SLC35E1: variants seen among roughly 807,000 people sequenced by gnomAD.
SLC35E1 encodes solute carrier family 35, member E1.
In SLC35E1, 12 loss-of-function variants were observed where a neutral mutation model predicts 31.0. That is an observed-to-expected ratio of 0.39 (90% CI 0.25 to 0.63). SLC35E1 has a LOEUF of 0.63. Among genes scored for constraint, SLC35E1 ranks in the 20% least tolerant of loss-of-function variants. SLC35E1 has a pLI of 0.52. For synonymous variants in SLC35E1, 257 were observed against 264.1 expected, an observed-to-expected ratio of 0.97 and a Z score of 0.26; for missense variants, 429 against 572.2, an observed-to-expected ratio of 0.75 and a Z score of 2.55.
intron 1 of SLC35E1, 89 bp downstream of exon 1, chr19:16,571,855 C>G (rs1196389307): frequency 1.1e-5 from 15 of 1,347,724 alleles, no homozygotes; most frequent in South Asian, 1.4e-5. Flanking sequence ...TCCGGCGGGA[C>G]GCGCCCCGGG....
chr19:16,563,079 G>A (rs1280457237), intron 4 of SLC35E1, among the ~76,000 whole-genome samples: 1 of 152,142 alleles, frequency 6.6e-6, no homozygotes, highest in Admixed American at 6.5e-5. Context: ...CCAGCACTTT[G>A]GGAGGCCGAA....
At chr19:16,565,813 GCT>G (rs1491417887) in intron 4 of SLC35E1, 26 of 136,312 alleles carry the variant, frequency 1.9e-4, no homozygotes, top group African/African-American at 7.2e-4. Flanking sequence ...ACTGCGCCCG[GCT>G]TTTTTTTTTT....
At chr19:16,562,974 A>G (rs2085914555) in intron 4 of SLC35E1, among the ~76,000 whole-genome samples, 1 of 152,168 alleles carries the variant, frequency 6.6e-6, no homozygotes, top group Non-Finnish European at 1.5e-5. Context: ...TCTGCCTTCC[A>G]AAATACTGGG....
Position 16,553,900 on chromosome 19 carries a change from C to A in SLC35E1, c.1012G>T (p.Asp338Tyr). The A allele has an allele frequency of 6.2e-7, 1 of 1,604,452 alleles. No individual in the cohort carries two copies. The highest frequency in any genetic ancestry group is 1.1e-5 in the South Asian group (1 of 89,778). Residue 338 changes from aspartate (D) to tyrosine (Y), a missense_variant, in exon 6 of 6, where the codon GAT becomes TAT. By Grantham distance (160) the Asp-to-Tyr change is radical. Coordinates refer to ENST00000595753, the MANE Select transcript of SLC35E1 (RefSeq NM_024881.5). ...TGCTTCCTGGCTTGCTGGTTTGCATCGTACTTGGTCTGTGCCAGAAAGAGA... is the reference window on the plus strand; with the variant it reads ...TGCTTCCTGGCTTGCTGGTTTGCATAGTACTTGGTCTGTGCCAGAAAGAGA... ...GVFLYNKTKY[D>Y]ANQQARKHLL...
chr19:16,567,233 C>T (rs1467126233), intron 3 of SLC35E1, among the ~76,000 whole-genome samples: 1 of 152,132 alleles, frequency 6.6e-6, no homozygotes, highest in Non-Finnish European at 1.5e-5. Flanking sequence ...ATTGCCTAGG[C>T]TGGTCTCGAA....
At chr19:16,568,301 T>C (rs1371089678) in intron 2 of SLC35E1, 132 bp from the exon 3 acceptor site, 1 of 1,247,626 alleles carries the variant, frequency 8.0e-7, no homozygotes, top group Non-Finnish European at 1.1e-6. Flanking sequence ...AAGTGGTGTT[T>C]GCTGTGCCAG....
At chr19:16,556,949 C>A in intron 4 of SLC35E1, 1 of 471,458 alleles carries the variant, frequency 2.1e-6, no homozygotes, top group Non-Finnish European at 4.4e-6. Context: ...GCAGCTTCTG[C>A]GGGGAACCTC....
intron 2 of SLC35E1, among the ~76,000 whole-genome samples, chr19:16,568,689 C>A (rs1463538408): frequency 1.3e-5 from 2 of 152,192 alleles, no homozygotes; most frequent in Admixed American, 1.3e-4. Context: ...TGCCACCACG[C>A]CCGGCCAATT....
In SLC35E1 at chr19:16,553,483, A is replaced by T; in HGVS notation, c.*196T>A. 2.3e-6 allele frequency: 1 copy of T among 426,046 alleles called. No homozygotes were observed. Among genetic ancestry groups the T allele is most frequent in the East Asian group, 3.6e-5 (1 of 27,726 alleles). The allele number at this position is 426,046 out of a possible 1,614,324, so 26.4% of individuals were successfully genotyped here. Reference sequence around the variant, plus strand: ...CTGGTCTCTGTTTAGGTTTGCCCAGAGCTCACGGCCGTCTGCACTGCAGGC... The same window carrying T: ...CTGGTCTCTGTTTAGGTTTGCCCAGTGCTCACGGCCGTCTGCACTGCAGGC... On this transcript the variant is annotated 3_prime_UTR_variant, in exon 6 of 6. Transcript: ENST00000595753.
chr19:16,555,421 C>T lies in SLC35E1; in HGVS notation c.757-24G>A. The T allele has an allele frequency of 6.2e-7, 1 of 1,610,034 alleles. No homozygotes were observed. Among genetic ancestry groups the T allele is most frequent in the African/African-American group, 1.3e-5 (1 of 74,934 alleles). On this transcript the variant is annotated intron_variant, in intron 4 of 5. Transcript: ENST00000595753. The surrounding 1 kb of genome is among the most constrained non-coding windows in gnomAD (Gnocchi z 4.1). ...GTCTGCAGAGACCGGAAGGTAAAGA[C>T]AGCACTTCAGTGGGCAGCGGTGACC... is the stretch of plus-strand genomic sequence containing the variant.
chr19:16,565,009 C>A, intron 4 of SLC35E1: 1 of 420,558 alleles, frequency 2.4e-6, no homozygotes, highest in Non-Finnish European at 4.8e-6. Flanking sequence ...TCCAGCTAGA[C>A]CACATTAAGA....
At position 16,557,668 on chromosome 19, in the gene SLC35E1, C is replaced by G. The variant is rs537957572; in HGVS notation, c.757-2271G>C. ...TGGGAGACTGTCATGGAGCTGGAAT[C>G]ACATGGCTGGGAACCTTTGGAGACA... On this transcript the variant is annotated intron_variant, in intron 4 of 5. Transcript: ENST00000595753. 5.9e-5 allele frequency among the ~76,000 whole-genome samples: 9 copies of G among 152,340 alleles called. No individual in the cohort carries two copies. In the South Asian group the frequency reaches 1.9e-3, roughly 32 times the overall value.
chr19:16,559,522 G>A (rs1175699515), intron 4 of SLC35E1, among the ~76,000 whole-genome samples: 2 of 146,074 alleles, frequency 1.4e-5, no homozygotes, highest in Non-Finnish European at 3.0e-5. Context: ...ATATGCTGGT[G>A]TGAACGTGTA....
intron 4 of SLC35E1, among the ~76,000 whole-genome samples, chr19:16,561,424 C>T (rs2085906064): frequency 6.6e-6 from 1 of 151,936 alleles, no homozygotes. Context: ...AGAAGAATGA[C>T]GAACTCACTG....
chr19:16,555,831 G>T lies in SLC35E1; in HGVS notation c.757-434C>A. 5.9e-6 allele frequency: 1 copy of T among 170,028 alleles called. No individual in the cohort carries two copies. 10.5% of individuals were successfully genotyped at this position (170,028 alleles called of 1,614,324 possible). ...CTGGTAATACGAAAGCCACGGGTCT[G>T]CACCTATTGCTGCGAGGATGAACAG... On this transcript the variant is annotated intron_variant, in intron 4 of 5. Transcript: ENST00000595753. This position sits in a 1 kb window ranked among gnomAD's most constrained non-coding sequence, Gnocchi z 4.1.
At position 16,549,956 on chromosome 19, in the gene SLC35E1, A is replaced by C. The variant is rs1442613246; in HGVS notation, c.*3723T>G. The C allele has an allele frequency of 2.0e-5, 3 of 152,210 alleles. No individual in the cohort carries two copies. Among genetic ancestry groups the C allele is most frequent in the African/African-American group, 7.2e-5 (3 of 41,448 alleles). The allele number at this position is 152,210 out of a possible 1,614,324, so 9.4% of individuals were successfully genotyped here. A position where few individuals can be genotyped will look rare whatever the true frequency, so the allele number is the denominator to read the frequency against. On this transcript the variant is annotated 3_prime_UTR_variant, in exon 6 of 6. Transcript: ENST00000595753. ...CAGGTGACAATTGAAAAACATTATA[A>C]TATTTTCAGGTCTTTTAATAATTCA...
rs2085964534 is a variant in SLC35E1, at chr19:16,572,320, C to T, written c.45G>A (p.Pro15=). 3.3e-6 allele frequency: 4 copies of T among 1,230,464 alleles called. No individual in the cohort carries two copies. The African/African-American group carries it at 4.8e-5, about 15-fold the overall frequency. The allele number at this position is 1,230,464 out of a possible 1,614,324, so 76.2% of individuals were successfully genotyped here. A position where few individuals can be genotyped will look rare whatever the true frequency, so the allele number is the denominator to read the frequency against. The change falls in exon 1 of 6, where the codon CCG becomes CCA. Residue 15 remains proline (P), a synonymous_variant. Transcript: ENST00000595753. The surrounding 1 kb of genome is among the most constrained non-coding windows in gnomAD (Gnocchi z 4.1). ...CCCCACCACTGCTGCTCGCTGCGCCCGGGCCCCCCGCGCCGTGGCCCGCGC... is the reference window on the plus strand; with the variant it reads ...CCCCACCACTGCTGCTCGCTGCGCCTGGGCCCCCCGCGCCGTGGCCCGCGC... ...AVGAGHGAGG[P]GAASSSGGAR...
chr19:16,553,901 G>A lies in SLC35E1; in HGVS notation c.1011C>T (p.Tyr337=), dbSNP rs773244448. 132 of 1,604,506 alleles carry A rather than the reference G, an allele frequency of 8.2e-5. No individual in the cohort carries two copies. The highest frequency in any genetic ancestry group is 5.9e-4 in the Admixed American group (35 of 59,030). The change falls in exon 6 of 6, where the codon TAC becomes TAT. Residue 337 remains tyrosine, a synonymous_variant. Transcript: ENST00000595753. ...LGVFLYNKTK[Y]DANQQARKHL... ...GCTTCCTGGCTTGCTGGTTTGCATC[G>A]TACTTGGTCTGTGCCAGAAAGAGAG...
intron 4 of SLC35E1, chr19:16,565,154 G>C (rs1458884628): frequency 4.4e-6 from 2 of 456,156 alleles, no homozygotes; most frequent in Non-Finnish European, 8.8e-6. Context: ...AAAAAGATTC[G>C]ACGTGGAGTA....
Sources: gnomAD v4.1 joint callset for allele counts (sites outside exome capture counted in the v4.1 genomes callset) on GRCh38, gnomAD v4.1.1 for gene constraint, Gnocchi (gnomAD v3.1) non-coding constraint, MANE v1.5 for transcripts, NCBI Gene and HGNC (gene_info 2026-07-23, HGNC 2026-07-21) for gene names.